Variants in WFDC1 observed in about 807,000 individuals in gnomAD.
WFDC1 encodes WAP four-disulfide core domain 1, also known as WAP four-disulfide core domain protein 1.
A neutral mutation model predicts 32.9 loss-of-function variants in WFDC1; 39 were observed. The observed-to-expected ratio is 1.19, with a 90% confidence interval of 0.92 to 1.55. The LOEUF (loss-of-function observed/expected upper bound fraction) is 1.55, where lower values mean the gene tolerates loss of function less well. Ranked by LOEUF, WFDC1 falls within the 40% of genes most tolerant of loss-of-function variation. The probability of loss-of-function intolerance (pLI) is 0.00; values close to 1 mark genes in which losing one functional copy is unlikely to be tolerated. For missense variants in WFDC1, 386 were observed against 309.5 expected (o/e 1.25, Z -1.85); for synonymous variants, 184 against 137.4 (o/e 1.34, Z -2.37).
intron 1 of WFDC1, among the ~76,000 whole-genome samples, chr16:84,298,503 A>G (rs1358858246): frequency 6.6e-6 from 1 of 152,176 alleles, no homozygotes; most frequent in African/African-American, 2.4e-5. Flanking sequence ...TGGTATGACC[A>G]GGAGAGAAGC....
intron 1 of WFDC1, among the ~76,000 whole-genome samples, chr16:84,307,050 G>A (rs1474141706): frequency 6.6e-6 from 1 of 152,182 alleles, no homozygotes; most frequent in Non-Finnish European, 1.5e-5. Context: ...TATGGTGGGT[G>A]GGCGGGGAAA....
chr16:84,313,743 G>C (rs1441975928), intron 2 of WFDC1, among the ~76,000 whole-genome samples: 1 of 152,228 alleles, frequency 6.6e-6, no homozygotes, highest in East Asian at 1.9e-4. Context: ...GTGCCCCAGA[G>C]AGGAGCGGGT....
At chr16:84,298,932 C>T (rs1200649821) in intron 1 of WFDC1, among the ~76,000 whole-genome samples, 1 of 152,204 alleles carries the variant, frequency 6.6e-6, no homozygotes, top group Non-Finnish European at 1.5e-5. Context: ...CCTCGGTTTC[C>T]TCATCTGCAG....
chr16:84,308,875 C>G (rs779922808), intron 1 of WFDC1, among the ~76,000 whole-genome samples: 2 of 151,788 alleles, frequency 1.3e-5, no homozygotes, highest in Non-Finnish European at 2.9e-5. Flanking sequence ...AGACGCCAGC[C>G]TGGGCATAGA....
chr16:84,305,018 G>T (rs138720488), intron 1 of WFDC1, among the ~76,000 whole-genome samples: 4 of 152,190 alleles, frequency 2.6e-5, no homozygotes, highest in African/African-American at 7.2e-5. Flanking sequence ...ACCCAGGTTC[G>T]AGTCCTGCCT....
chr16:84,311,815 C>T lies in WFDC1; in HGVS notation c.145-1146C>T, dbSNP rs969002521. On this transcript the variant is annotated intron_variant, in intron 1 of 6. Transcript: ENST00000219454. ...GACTTCTGGAAATGCTGGGATTATA[C>T]GCTTGTGTGCCACAGCACCTGGCCC... Among the ~76,000 whole-genome samples the T allele has an allele frequency of 7.4e-5, 11 of 148,550 alleles. No homozygotes were observed. In the East Asian group the frequency reaches 1.9e-3, roughly 25 times the overall value.
In WFDC1 at chr16:84,311,308, G is replaced by A. The variant is rs184313519; in HGVS notation, c.145-1653G>A. Among the ~76,000 whole-genome samples, 337 of 149,808 alleles carry A rather than the reference G, an allele frequency of 2.2e-3. 2 individuals are homozygous for A. Among genetic ancestry groups the A allele is most frequent in the African/African-American group, 7.9e-3 (321 of 40,594 alleles). On this transcript the variant is annotated intron_variant, in intron 1 of 6. Transcript: ENST00000219454. ...CACCCAGCCTGGAGTGCAATGGCTC[G>A]ATCTTGGCTCACTGCAAGCTCCGAC...
At chr16:84,326,792 G>A in intron 5 of WFDC1, 90 bp from the exon 6 acceptor site, 1 of 1,525,500 alleles carries the variant, frequency 6.6e-7, no homozygotes, top group East Asian at 2.3e-5. Context: ...CAGGTCACCA[G>A]GCTTCATTTG....
chr16:84,324,937 A>G (rs920761653), intron 5 of WFDC1, among the ~76,000 whole-genome samples: 1 of 151,420 alleles, frequency 6.6e-6, no homozygotes, highest in African/African-American at 2.4e-5. Context: ...TCTTTCATTC[A>G]TCTTCCTGTT....
chr16:84,306,004 AAATAAT>A (rs141595518), intron 1 of WFDC1, among the ~76,000 whole-genome samples: 2,923 of 144,518 alleles, frequency 0.02, 45 homozygotes, highest in African/African-American at 0.045. Context: ...CCTTTTCTCA[AAATAAT>A]AATAATAATA....
At position 84,295,119 on chromosome 16, in the gene WFDC1, A is replaced by G. The variant is rs1906516134; in HGVS notation, c.144+4A>G. 4 of 1,613,594 alleles carry G rather than the reference A, an allele frequency of 2.5e-6. No homozygotes were observed. Among genetic ancestry groups the G allele is most frequent in the Non-Finnish European group, 3.4e-6 (4 of 1,179,686 alleles). ...GAGGCTGGCCGAGAAATCCCGTGTA[A>G]GTGCCTGGGATGGGGAGGCTGGGGC... On this transcript the variant is annotated splice_donor_region_variant and intron_variant, in intron 1 of 6. Coordinates refer to ENST00000219454, the MANE Select transcript of WFDC1 (RefSeq NM_021197.4).
intron 1 of WFDC1, among the ~76,000 whole-genome samples, chr16:84,301,938 C>T (rs574610496): frequency 1.3e-5 from 2 of 152,312 alleles, no homozygotes; most frequent in South Asian, 2.1e-4. Flanking sequence ...GAAAGCAGGA[C>T]ACCTCTGTGC....
At chr16:84,318,910 TTGTGTG>T (rs58546650) in intron 3 of WFDC1, 88,077 of 165,422 alleles carry the variant, frequency 0.53, 23,641 homozygotes, top group East Asian at 0.85. Context: ...GGCTGAATAT[TTGTGTG>T]TGTGTGTGTG....
chr16:84,306,794 C>A (rs1465768529), intron 1 of WFDC1, among the ~76,000 whole-genome samples: 1 of 123,278 alleles, frequency 8.1e-6, no homozygotes. Context: ...ATCATCACAG[C>A]TTTTGTTCCA....
Position 84,313,115 on chromosome 16 carries a change from G to C in WFDC1, c.299G>C (p.Cys100Ser), listed in dbSNP as rs1567658032. Reference protein sequence around the residue: ...PRHRRCCYNGCAYACLEAVPP... With the variant: ...PRHRRCCYNGSAYACLEAVPP... ...CACCGGCGCTGCTGCTACAACGGAT[G>C]CGCCTACGCCTGCCTAGAAGCTGTG... is the stretch of plus-strand genomic sequence containing the variant. Residue 100 changes from cysteine (C) to serine (S), a missense_variant, in exon 2 of 7, where the codon TGC becomes TCC. Physicochemically the swap from Cys to Ser is moderately radical, Grantham distance 112 (BLOSUM62 -1). Transcript: ENST00000219454. The C allele has an allele frequency of 2.8e-6, 4 of 1,441,882 alleles. No individual in the cohort carries two copies. The highest frequency in any genetic ancestry group is 3.6e-6 in the Non-Finnish European group (4 of 1,105,096). 89.3% of individuals were successfully genotyped at this position (1,441,882 alleles called of 1,614,324 possible).
At position 84,308,220 on chromosome 16, in the gene WFDC1, AGGCTCCCTGG is replaced by A. The variant is rs373927426; in HGVS notation, c.145-4738_145-4729del. ...CTCATGCCCTCAGTCTCAGGCCCTG[AGGCTCCCTGG>A]GGGCAGCTGAAAACCTCTGGCCTTG... On this transcript the variant is annotated intron_variant, in intron 1 of 6. Coordinates refer to ENST00000219454, the MANE Select transcript of WFDC1 (RefSeq NM_021197.4). Among the ~76,000 whole-genome samples, 590 of 152,046 alleles carry A rather than the reference AGGCTCCCTGG, an allele frequency of 3.9e-3. 7 individuals are homozygous for A. Among genetic ancestry groups the A allele is most frequent in the African/African-American group, 0.014 (566 of 41,500 alleles).
intron 1 of WFDC1, among the ~76,000 whole-genome samples, chr16:84,300,580 T>C (rs1415692590): frequency 6.6e-6 from 1 of 152,224 alleles, no homozygotes; most frequent in East Asian, 1.9e-4. Flanking sequence ...GTGACCTTTT[T>C]TGGAAACAGG....
intron 1 of WFDC1, among the ~76,000 whole-genome samples, chr16:84,303,897 G>T (rs1192068779): frequency 6.6e-6 from 1 of 152,174 alleles, no homozygotes; most frequent in African/African-American, 2.4e-5. Flanking sequence ...TGTTGTAGAC[G>T]TTTCATGGAA....
Position 84,294,961 on chromosome 16 carries a change from C to G in WFDC1, c.-11C>G, listed in dbSNP as rs758347868. On this transcript the variant is annotated 5_prime_UTR_variant, in exon 1 of 7. Coordinates refer to ENST00000219454, the MANE Select transcript of WFDC1 (RefSeq NM_021197.4). Reference sequence around the variant, plus strand: ...CTGTGTGCGTCTGGAAGGTCGCTGCCCAGGGAGGAAATGCCTTTAACCGGC... The same window carrying G: ...CTGTGTGCGTCTGGAAGGTCGCTGCGCAGGGAGGAAATGCCTTTAACCGGC... 41 of 1,609,448 alleles carry G rather than the reference C, an allele frequency of 2.5e-5. No individual in the cohort carries two copies. The highest frequency in any genetic ancestry group is 3.5e-5 in the Non-Finnish European group (41 of 1,177,654).
Sources: gnomAD v4.1 joint callset for allele counts (sites outside exome capture counted in the v4.1 genomes callset) on GRCh38, gnomAD v4.1.1 for gene constraint, MANE v1.5 for transcripts, NCBI Gene and HGNC (gene_info 2026-07-23, HGNC 2026-07-21) for gene names.